The following CPNE4 variants were observed in gnomAD, a reference collection of about 807,000 sequenced individuals.
The protein encoded by CPNE4 is copine-4.
Under a neutral mutation model 67.9 loss-of-function variants are expected in CPNE4, and 25 were observed. The ratio of observed to expected loss-of-function variants is 0.37; its 90% CI spans 0.27 to 0.51. The LOEUF (loss-of-function observed/expected upper bound fraction) is 0.51, where lower values mean the gene tolerates loss of function less well. Ranked by LOEUF, CPNE4 falls within the 20% of genes least tolerant of loss-of-function variation. CPNE4 has a pLI of 0.93. For missense variants in CPNE4, 464 were observed against 690.8 expected, an observed-to-expected ratio of 0.67 and a Z score of 3.68; for synonymous variants, 242 against 244.9, an observed-to-expected ratio of 0.99 and a Z score of 0.11.
At chr3:131,618,937 GT>G (rs1326954539) in intron 7 of CPNE4, among the ~76,000 whole-genome samples, 4 of 152,134 alleles carry the variant, frequency 2.6e-5, no homozygotes, top group Admixed American at 1.3e-4. Flanking sequence ...ATTGTGGAAG[GT>G]TTTATGGAAA....
chr3:131,773,192 G>A (rs954323738), intron 2 of CPNE4, among the ~76,000 whole-genome samples: 1 of 152,034 alleles, frequency 6.6e-6, no homozygotes, highest in African/African-American at 2.4e-5. Context: ...GGTTTGTTAG[G>A]CCAGCATTTT....
At chr3:131,734,010 G>T (rs1490782541) in intron 2 of CPNE4, among the ~76,000 whole-genome samples, 1 of 152,210 alleles carries the variant, frequency 6.6e-6, no homozygotes, top group African/African-American at 2.4e-5. Flanking sequence ...AGGGTGAAGT[G>T]ATGGGGGTTG....
At chr3:131,831,850 A>G (rs1040991783) in intron 2 of CPNE4, among the ~76,000 whole-genome samples, 1 of 152,174 alleles carries the variant, frequency 6.6e-6, no homozygotes, top group African/African-American at 2.4e-5. Flanking sequence ...TGAGCTAGGG[A>G]AATAATCTCT....
rs554049449 is a variant in CPNE4 at position 131,663,437 on chromosome 3, C to A, written c.681+6238G>T. Among the ~76,000 whole-genome samples the A allele has an allele frequency of 5.1e-4, 77 of 151,714 alleles. 1 individual carries two copies. Among genetic ancestry groups the A allele is most frequent in the Non-Finnish European group, 1.1e-3 (73 of 67,952 alleles). ...AGCCCGTGTATACCTACATAACAAA[C>A]CTACACATTTTGCACATGTATCCTA... On this transcript the variant is annotated intron_variant, in intron 7 of 15. Coordinates refer to ENST00000429747, the MANE Select transcript of CPNE4 (RefSeq NM_130808.3).
intron 6 of CPNE4, among the ~76,000 whole-genome samples, chr3:131,676,055 A>ATTATTATTATTT (rs1452028936): frequency 1.4e-5 from 2 of 146,514 alleles, no homozygotes; most frequent in Non-Finnish European, 3.0e-5. Flanking sequence ...TATTATTATT[A>ATTATTATTATTT]TTATTATTAT....
At chr3:131,799,339 C>T (rs1385116592) in intron 2 of CPNE4, among the ~76,000 whole-genome samples, 5 of 152,070 alleles carry the variant, frequency 3.3e-5, no homozygotes, top group Admixed American at 2.6e-4. Flanking sequence ...TCATTTAAGA[C>T]GTGGCACCCA....
At chr3:131,610,179 A>G (rs763964262) in intron 7 of CPNE4, among the ~76,000 whole-genome samples, 3 of 152,124 alleles carry the variant, frequency 2.0e-5, no homozygotes, top group African/African-American at 7.2e-5. Flanking sequence ...ACTGTAGATA[A>G]AATGATGAAC....
At position 131,871,394 on chromosome 3, in the gene CPNE4, T is replaced by C. The variant is rs186364406; in HGVS notation, c.180+33870A>G. On this transcript the variant is annotated intron_variant, in intron 2 of 15. Transcript: ENST00000429747. Reference sequence around the variant, plus strand: ...GAGTCTTCTTGGAGATCTTTAAGAATAGGGCTGTCTTATCAGATTTCAGCA... The same window carrying C: ...GAGTCTTCTTGGAGATCTTTAAGAACAGGGCTGTCTTATCAGATTTCAGCA... Among the ~76,000 whole-genome samples the C allele has an allele frequency of 6.2e-4, 95 of 152,250 alleles. 1 individual carries two copies. The highest frequency in any genetic ancestry group is 1.3e-4 in the Non-Finnish European group (9 of 68,026).
intron 3 of CPNE4, among the ~76,000 whole-genome samples, chr3:131,708,969 T>TATATATATATATATATAG (rs1163064808): frequency 2.2e-4 from 19 of 87,500 alleles, no homozygotes; most frequent in African/African-American, 8.5e-4. Context: ...TATATATATA[T>TATATATATATATATATAG]ATATATATAT....
intron 2 of CPNE4, among the ~76,000 whole-genome samples, chr3:131,831,333 C>T (rs910007540): frequency 2.0e-5 from 3 of 152,104 alleles, no homozygotes; most frequent in African/African-American, 7.2e-5. Flanking sequence ...GTGCTTCCCA[C>T]ACATCAGTCT....
intron 1 of CPNE4, among the ~76,000 whole-genome samples, chr3:131,952,473 G>C (rs1479699449): frequency 2.1e-5 from 2 of 96,658 alleles, no homozygotes; most frequent in Non-Finnish European, 2.8e-5. Flanking sequence ...GAGGGAGGTG[G>C]GGGGGTCAGC....
chr3:131,540,486 C>T (rs976461834), intron 15 of CPNE4, among the ~76,000 whole-genome samples: 2 of 152,204 alleles, frequency 1.3e-5, no homozygotes, highest in African/African-American at 2.4e-5. Flanking sequence ...ATGCTAAAGG[C>T]TCTCACACTA....
intron 3 of CPNE4, among the ~76,000 whole-genome samples, chr3:131,701,495 T>A (rs143129105): frequency 1.6e-3 from 247 of 152,352 alleles, no homozygotes; most frequent in African/African-American, 5.8e-3. Flanking sequence ...GACTTATCTC[T>A]TATCACTATC....
chr3:132,026,721 C>T (rs1046031885), intron 1 of CPNE4, among the ~76,000 whole-genome samples: 1 of 152,110 alleles, frequency 6.6e-6, no homozygotes, highest in Non-Finnish European at 1.5e-5. Context: ...AAAAGAAGTA[C>T]TATATCCCAC....
At chr3:132,026,195 G>A (rs1449709794) in intron 1 of CPNE4, among the ~76,000 whole-genome samples, 3 of 152,180 alleles carry the variant, frequency 2.0e-5, no homozygotes, top group African/African-American at 7.2e-5. Context: ...ATTTGCTAAG[G>A]GAATGGAGAT....
intron 3 of CPNE4, among the ~76,000 whole-genome samples, chr3:131,709,074 A>G (rs1190261824): frequency 2.7e-5 from 4 of 149,008 alleles, no homozygotes; most frequent in African/African-American, 7.4e-5. Context: ...TGTCCACGGT[A>G]AGTGGACACA....
chr3:131,723,831 G>C (rs2081942616), intron 2 of CPNE4, among the ~76,000 whole-genome samples: 1 of 152,148 alleles, frequency 6.6e-6, no homozygotes, highest in Non-Finnish European at 1.5e-5. Context: ...TGTTAGACAT[G>C]TAAATAACTT....
At chr3:131,935,389 G>A (rs1221221260) in intron 1 of CPNE4, among the ~76,000 whole-genome samples, 1 of 152,158 alleles carries the variant, frequency 6.6e-6, no homozygotes, top group South Asian at 2.1e-4. Context: ...AGAGATATTT[G>A]AGCAAGTGAT....
intron 3 of CPNE4, among the ~76,000 whole-genome samples, chr3:131,708,158 G>A (rs1463062867): frequency 6.6e-6 from 1 of 152,112 alleles, no homozygotes; most frequent in Non-Finnish European, 1.5e-5. Context: ...CTGAATTGAT[G>A]GGCCTTCATG....
Sources: allele counts gnomAD v4.1 joint callset (sites outside exome capture counted in the v4.1 genomes callset), GRCh38; gene constraint gnomAD v4.1.1; transcripts MANE v1.5; gene names NCBI Gene and HGNC (gene_info 2026-07-23, HGNC 2026-07-21).